The following FAM120A variants were observed in gnomAD, a reference collection of about 807,000 sequenced individuals.
The protein encoded by FAM120A is constitutive coactivator of PPAR-gamma-like protein 1.
In FAM120A, 15 loss-of-function variants were observed where a neutral mutation model predicts 109.7. The observed-to-expected ratio is 0.14, with a 90% CI of 0.09 to 0.21. The LOEUF is 0.21. FAM120A is among the 10% of genes least tolerant of loss of function. The pLI is 1.00. For missense variants in FAM120A, 899 were observed against 1,439.3 expected, an observed-to-expected ratio of 0.62 and a Z score of 6.07; for synonymous variants, 493 against 572.8, an observed-to-expected ratio of 0.86 and a Z score of 1.99.
chr9:93,453,560 G>A (rs963814427), intron 1 of FAM120A: 4 of 985,446 alleles, frequency 4.1e-6, no homozygotes, highest in Non-Finnish European at 4.8e-6. Context: ...CTGCCCGCGA[G>A]GAGATGGTGG....
Position 93,451,685 on chromosome 9 carries a change from C to T in FAM120A, c.-231C>T. 8.1e-6 allele frequency: 8 copies of T among 984,450 alleles called. No individual in the cohort carries two copies. In the South Asian group the frequency reaches 2.3e-4, roughly 28 times the overall value. The allele number at this position is 984,450 out of a possible 1,614,324, so 61.0% of individuals were successfully genotyped here. Reference sequence around the variant, plus strand: ...CCCGGCCCTCAGCCTCGGCCTCGGCCTCGGCCTCGCAGCGGCGGCAGCGGC... The same window carrying T: ...CCCGGCCCTCAGCCTCGGCCTCGGCTTCGGCCTCGCAGCGGCGGCAGCGGC... On this transcript the variant is annotated 5_prime_UTR_variant, in exon 1 of 18. Coordinates refer to ENST00000277165, the MANE Select transcript of FAM120A (RefSeq NM_014612.5).
chr9:93,453,677 C>G (rs1857400350), intron 1 of FAM120A: 1 of 968,620 alleles, frequency 1.0e-6, no homozygotes, highest in Admixed American at 6.2e-5. Context: ...CCCGATTGGC[C>G]CCTGCGCCTG....
intron 3 of FAM120A, among the ~76,000 whole-genome samples, chr9:93,478,397 C>A (rs572059464): frequency 6.6e-6 from 1 of 151,672 alleles, no homozygotes; most frequent in Non-Finnish European, 1.5e-5. Context: ...TGACTTGATA[C>A]GTTGTAGGAT....
chr9:93,508,941 T>C (rs1860191935), intron 5 of FAM120A, among the ~76,000 whole-genome samples: 1 of 152,088 alleles, frequency 6.6e-6, no homozygotes, highest in Admixed American at 6.5e-5. Flanking sequence ...AAAGACAATA[T>C]GTAAAGAATG....
intron 3 of FAM120A, among the ~76,000 whole-genome samples, chr9:93,490,470 C>T (rs1484094620): frequency 6.6e-6 from 1 of 152,174 alleles, no homozygotes; most frequent in Non-Finnish European, 1.5e-5. Context: ...AAAGAGTTTT[C>T]AGTCAACATG....
chr9:93,477,937 T>C (rs1355634161), intron 3 of FAM120A, among the ~76,000 whole-genome samples: 1 of 152,248 alleles, frequency 6.6e-6, no homozygotes, highest in Non-Finnish European at 1.5e-5. Flanking sequence ...TGTATCCGTA[T>C]ATCCCCCATC....
In FAM120A at chr9:93,532,484, G is replaced by C. The variant is rs1016535559; in HGVS notation, c.1909+155G>C. 2.9e-6 allele frequency: 2 copies of C among 697,868 alleles called. No homozygotes were observed. Among genetic ancestry groups the C allele is most frequent in the Admixed American group, 5.5e-5 (2 of 36,450 alleles). 43.2% of individuals were successfully genotyped at this position (697,868 alleles called of 1,614,324 possible). A position where few individuals can be genotyped will look rare whatever the true frequency, so the allele number is the denominator to read the frequency against. ...CATCGGGGCAGTAGGCCAGGGTAAA[G>C]GCTCTTAGAAAAGGAGGAGAAGCCA... On this transcript the variant is annotated intron_variant, in intron 10 of 17. Transcript: ENST00000277165. The surrounding 1 kb of genome is among the most constrained non-coding windows in gnomAD (Gnocchi z 4.3).
chr9:93,545,063 A>G (rs1861832743), intron 11 of FAM120A, among the ~76,000 whole-genome samples: 1 of 152,026 alleles, frequency 6.6e-6, no homozygotes, highest in African/African-American at 2.4e-5. Flanking sequence ...CACCTTGCAA[A>G]CTGGCCTTCG....
At chr9:93,549,518 A>G (rs1192004573) in intron 11 of FAM120A, among the ~76,000 whole-genome samples, 2 of 152,162 alleles carry the variant, frequency 1.3e-5, no homozygotes, top group Admixed American at 1.3e-4. Flanking sequence ...TAGTTTGTGT[A>G]CCCATGGATG....
chr9:93,498,732 G>A lies in FAM120A; in HGVS notation c.934-58G>A, dbSNP rs1859679266. ...CATGTGCTGAATTATAAAAAACATTGTGATACACATGACCAGTGGCACACT... is the reference window on the plus strand; with the variant it reads ...CATGTGCTGAATTATAAAAAACATTATGATACACATGACCAGTGGCACACT... On this transcript the variant is annotated intron_variant, in intron 4 of 17. Coordinates refer to ENST00000277165, the MANE Select transcript of FAM120A (RefSeq NM_014612.5). The surrounding 1 kb of genome is among the most constrained non-coding windows in gnomAD (Gnocchi z 4.4). The A allele has an allele frequency of 1.1e-6, 1 of 948,526 alleles. No homozygotes were observed. Among genetic ancestry groups the A allele is most frequent in the Non-Finnish European group, 1.7e-6 (1 of 575,986 alleles). The allele number at this position is 948,526 out of a possible 1,614,324, so 58.8% of individuals were successfully genotyped here. A position where few individuals can be genotyped will look rare whatever the true frequency, so the allele number is the denominator to read the frequency against.
chr9:93,484,346 T>C, intron 3 of FAM120A, among the ~76,000 whole-genome samples: 1 of 152,250 alleles, frequency 6.6e-6, no homozygotes, highest in South Asian at 2.1e-4. Context: ...GCTCCTCCCA[T>C]GGAGTGAGTG....
chr9:93,511,406 A>T (rs1860314415), intron 5 of FAM120A, among the ~76,000 whole-genome samples: 1 of 152,072 alleles, frequency 6.6e-6, no homozygotes, highest in African/African-American at 2.4e-5. Context: ...CTGGGCACTG[A>T]CATTGCACCT....
intron 7 of FAM120A, among the ~76,000 whole-genome samples, chr9:93,523,978 G>T (rs868386811): frequency 5.3e-5 from 8 of 152,194 alleles, no homozygotes; most frequent in Non-Finnish European, 7.3e-5. Context: ...GGGCCAGGCC[G>T]TGCAGGAGAA....
intron 8 of FAM120A, among the ~76,000 whole-genome samples, chr9:93,527,821 C>T (rs534171823): frequency 6.6e-6 from 1 of 151,852 alleles, no homozygotes; most frequent in East Asian, 1.9e-4. Flanking sequence ...CGGGGTGTCG[C>T]CATGATGGCC....
intron 1 of FAM120A, among the ~76,000 whole-genome samples, chr9:93,464,607 GTT>G (rs913036071): frequency 6.6e-6 from 1 of 152,192 alleles, no homozygotes; most frequent in Non-Finnish European, 1.5e-5. Flanking sequence ...TACAGAAGGA[GTT>G]TTAGAGTTTC....
intron 2 of FAM120A, among the ~76,000 whole-genome samples, chr9:93,475,697 T>A (rs543271331): frequency 6.6e-6 from 1 of 152,254 alleles, no homozygotes; most frequent in South Asian, 2.1e-4. Context: ...CTCATGAGTA[T>A]TACTGTAGGA....
chr9:93,550,746 G>A (rs1251140873), intron 12 of FAM120A, 55 bp downstream of exon 12: 1 of 1,352,416 alleles, frequency 7.4e-7, no homozygotes, highest in Admixed American at 1.8e-5. Flanking sequence ...GGATTTTGGT[G>A]TAATACTGCT....
At chr9:93,554,827 C>T (rs980274441) in intron 12 of FAM120A, among the ~76,000 whole-genome samples, 1 of 152,234 alleles carries the variant, frequency 6.6e-6, no homozygotes, top group Non-Finnish European at 1.5e-5. Context: ...TCTCTGTTCT[C>T]TGGTGTAGGG....
chr9:93,548,383 TACA>T (rs1172659091), intron 11 of FAM120A, among the ~76,000 whole-genome samples: 3 of 152,124 alleles, frequency 2.0e-5, no homozygotes, highest in Non-Finnish European at 2.9e-5. Flanking sequence ...GTGCTGGGAT[TACA>T]ACATTTTAAA....
Sources: allele counts gnomAD v4.1 joint callset (sites outside exome capture counted in the v4.1 genomes callset), GRCh38; gene constraint gnomAD v4.1.1; non-coding constraint Gnocchi (gnomAD v3.1); transcripts MANE v1.5; gene names NCBI Gene and HGNC (gene_info 2026-07-23, HGNC 2026-07-21).